The following SLC8A1 variants were observed in gnomAD, a reference collection of about 807,000 sequenced individuals.
SLC8A1 encodes solute carrier family 8 member A1, also known as sodium/calcium exchanger 1.
Under a neutral mutation model 68.3 loss-of-function variants are expected in SLC8A1, and 18 were observed. The observed-to-expected ratio is 0.26, with a 90% CI of 0.18 to 0.39. The LOEUF (loss-of-function observed/expected upper bound fraction) is 0.39. Among genes scored for constraint, SLC8A1 ranks in the 10% least tolerant of loss-of-function variants. SLC8A1 has a pLI of 1.00. For synonymous variants in SLC8A1, 475 were observed against 415.5 expected, an observed-to-expected ratio of 1.14 and a Z score of -1.74; for missense variants, 985 against 1,156.7, an observed-to-expected ratio of 0.85 and a Z score of 2.15.
intron 2 of SLC8A1, among the ~76,000 whole-genome samples, chr2:40,363,818 T>G (rs2216009): frequency 0.53 from 79,800 of 151,798 alleles, 21,414 homozygotes; most frequent in Non-Finnish European, 0.55. Flanking sequence ...GTTATAACAT[T>G]CATTTCTTTA....
Position 40,202,279 on chromosome 2 carries a change from A to G in SLC8A1, c.1809-24424T>C, listed in dbSNP as rs189422833. On this transcript the variant is annotated intron_variant, in intron 2 of 7. Transcript: ENST00000406785. ...CTACTTCCACATCCTTGCACGTCCA[A>G]ATCTTGCTCAATCCTTTTAGATATA... 2.4e-3 allele frequency among the ~76,000 whole-genome samples: 364 copies of G among 152,060 alleles called. 3 individuals carry two copies. The highest frequency in any genetic ancestry group is 8.3e-3 in the African/African-American group (346 of 41,512).
intron 7 of SLC8A1, among the ~76,000 whole-genome samples, chr2:40,121,644 G>A (rs562980507): frequency 6.6e-6 from 1 of 152,288 alleles, no homozygotes; most frequent in East Asian, 1.9e-4. Context: ...ACTTCATAGG[G>A]TTTTGAAGGA....
chr2:40,490,793 T>G (rs1705265761), intron 1 of SLC8A1, among the ~76,000 whole-genome samples: 1 of 152,036 alleles, frequency 6.6e-6, no homozygotes, highest in Non-Finnish European at 1.5e-5. Context: ...AATTATAAAG[T>G]GCAGTGAAGT....
At chr2:40,120,132 AGGAT>A (rs1443936280) in intron 7 of SLC8A1, among the ~76,000 whole-genome samples, 1 of 152,226 alleles carries the variant, frequency 6.6e-6, no homozygotes, top group Non-Finnish European at 1.5e-5. Context: ...ACAGTCTTGC[AGGAT>A]GGATGCAGGG....
intron 2 of SLC8A1, among the ~76,000 whole-genome samples, chr2:40,346,046 G>GT (rs1414154081): frequency 3.5e-5 from 1 of 28,466 alleles, no homozygotes; most frequent in Non-Finnish European, 6.6e-5. Context: ...AACATTAACA[G>GT]TAAAAAAAAA....
chr2:40,416,129 G>A (rs942514052), intron 2 of SLC8A1, among the ~76,000 whole-genome samples: 10 of 148,842 alleles, frequency 6.7e-5, no homozygotes, highest in Non-Finnish European at 1.5e-4. Context: ...AAATTAGGTT[G>A]ACTATGCCAT....
intron 1 of SLC8A1, among the ~76,000 whole-genome samples, chr2:40,432,706 G>T (rs1409284480): frequency 6.6e-6 from 1 of 151,858 alleles, no homozygotes; most frequent in Non-Finnish European, 1.5e-5. Flanking sequence ...TTGCCATAAG[G>T]CATGGGCTTT....
chr2:40,237,529 A>T (rs531066100), intron 2 of SLC8A1, among the ~76,000 whole-genome samples: 1 of 151,656 alleles, frequency 6.6e-6, no homozygotes, highest in African/African-American at 2.4e-5. Flanking sequence ...AAAGTTTTCA[A>T]CTTCTTTGCC....
intron 1 of SLC8A1, among the ~76,000 whole-genome samples, chr2:40,485,113 A>G (rs1279185733): frequency 6.6e-6 from 1 of 152,092 alleles, no homozygotes; most frequent in Non-Finnish European, 1.5e-5. Flanking sequence ...TGGATTAGCA[A>G]AAATAGAGGA....
intron 2 of SLC8A1, among the ~76,000 whole-genome samples, chr2:40,400,651 G>T (rs141025975): frequency 3.7e-4 from 57 of 152,270 alleles, no homozygotes; most frequent in African/African-American, 1.2e-3. Flanking sequence ...ACTCAGTGGG[G>T]AATGAACTAC....
intron 1 of SLC8A1, among the ~76,000 whole-genome samples, chr2:40,484,759 G>A (rs1002003307): frequency 1.3e-5 from 2 of 152,176 alleles, no homozygotes; most frequent in African/African-American, 4.8e-5. Flanking sequence ...CCAAGGATGC[G>A]ATAAGTGCTT....
At chr2:40,305,498 G>C (rs182942006) in intron 2 of SLC8A1, among the ~76,000 whole-genome samples, 1 of 152,184 alleles carries the variant, frequency 6.6e-6, no homozygotes, top group African/African-American at 2.4e-5. Context: ...TAATAACTGA[G>C]AGGATGGATC....
intron 2 of SLC8A1, among the ~76,000 whole-genome samples, chr2:40,376,409 A>G (rs1679876386): frequency 6.6e-6 from 1 of 152,118 alleles, no homozygotes; most frequent in African/African-American, 2.4e-5. Context: ...TATAAAAGCA[A>G]GTCTCAGACT....
intron 4 of SLC8A1, among the ~76,000 whole-genome samples, chr2:40,173,323 T>TA (rs540598577): frequency 7.2e-5 from 11 of 152,286 alleles, no homozygotes; most frequent in Middle Eastern, 3.4e-3. Flanking sequence ...GCACTTGATT[T>TA]AAAAAATAAC....
chr2:40,500,795 CTTTT>C (rs1191619172), intron 1 of SLC8A1, among the ~76,000 whole-genome samples: 4 of 37,260 alleles, frequency 1.1e-4, no homozygotes, highest in African/African-American at 3.7e-4. Context: ...TATCATCTGA[CTTTT>C]TTTTTTTTTT....
intron 2 of SLC8A1, among the ~76,000 whole-genome samples, chr2:40,204,282 A>C (rs1163738495): frequency 2.0e-5 from 3 of 152,064 alleles, no homozygotes; most frequent in Non-Finnish European, 4.4e-5. Context: ...TATGTTTATA[A>C]AAAATTCAAA....
chr2:40,201,168 T>C (rs1025447926), intron 2 of SLC8A1, among the ~76,000 whole-genome samples: 1 of 151,808 alleles, frequency 6.6e-6, no homozygotes, highest in Admixed American at 6.6e-5. Context: ...TCCTTCAAGA[T>C]TACTAGGTTA....
intron 2 of SLC8A1, among the ~76,000 whole-genome samples, chr2:40,271,952 G>A (rs7571709): frequency 0.05 from 7,556 of 151,954 alleles, 582 homozygotes; most frequent in African/African-American, 0.17. Context: ...CTGCAGCCTC[G>A]ATGTCTTGGG....
chr2:40,291,851 G>C (rs2069386619), intron 2 of SLC8A1, among the ~76,000 whole-genome samples: 1 of 150,970 alleles, frequency 6.6e-6, no homozygotes, highest in African/African-American at 2.4e-5. Context: ...TCACTGCGAG[G>C]TTGAAGTCAT....
Sources: gnomAD v4.1 joint callset for allele counts (sites outside exome capture counted in the v4.1 genomes callset) on GRCh38, gnomAD v4.1.1 for gene constraint, MANE v1.5 for transcripts, NCBI Gene and HGNC (gene_info 2026-07-23, HGNC 2026-07-21) for gene names.